The following ZNHIT1 variants were observed in gnomAD, a reference collection of about 807,000 sequenced individuals.
ZNHIT1 encodes zinc finger HIT domain-containing protein 1.
In ZNHIT1, 20 loss-of-function variants were observed where a neutral mutation model predicts 21.4. That is an observed-to-expected ratio of 0.93 (90% confidence interval 0.66 to 1.36). The LOEUF is 1.36. ZNHIT1 is among the 40% of genes most tolerant of loss of function. ZNHIT1 has a pLI of 0.00. For synonymous variants in ZNHIT1, 79 were observed against 84.0 expected, an observed-to-expected ratio of 0.94 and a Z score of 0.32; for missense variants, 170 against 213.5, an observed-to-expected ratio of 0.80 and a Z score of 1.27.
chr7:101,218,387 C>T (rs1798320218), intron 1 of ZNHIT1, 170 bp downstream of exon 1: 1 of 702,450 alleles, frequency 1.4e-6, no homozygotes, highest in Non-Finnish European at 2.3e-6. Context: ...CATCCTCCCA[C>T]CTCAGCCTCC....
In ZNHIT1 at chr7:101,223,728, C is replaced by T. The variant is rs752727634; in HGVS notation, c.329C>T (p.Ser110Leu). 4 of 1,613,442 alleles carry T rather than the reference C, an allele frequency of 2.5e-6. No homozygotes were observed. Among genetic ancestry groups the T allele is most frequent in the South Asian group, 2.2e-5 (2 of 90,972 alleles). The change falls in exon 4 of 5, where the codon TCG becomes TTG. Residue 110 changes from serine to leucine, a missense_variant. Coordinates refer to ENST00000305105, the MANE Select transcript of ZNHIT1 (RefSeq NM_006349.3). ...NYLTACAGPPSRPQRPFCAVC... is the reference protein window; with the variant it reads ...NYLTACAGPPLRPQRPFCAVC... ...CTGACGGCCTGTGCGGGACCCCCAT[C>T]GCGGCCCCAGCGCCCCTTCTGTGCT...
Position 101,222,716 on chromosome 7 carries a change from C to T in ZNHIT1, c.135C>T (p.His45=), listed in dbSNP as rs756492085. The stretch of plus-strand genomic sequence containing the variant: ...ATGACAACTTCCAGGATGACCCCCA[C>T]GCGGGACTCCCTCAGCTCGGCAAGA... ...LENDNFQDDP[H]AGLPQLGKRL... is the part of the protein sequence containing the mutation. Residue 45 remains histidine, a synonymous_variant, in exon 2 of 5, where the codon CAC becomes CAT. Transcript: ENST00000305105. 7.4e-6 allele frequency: 12 copies of T among 1,614,100 alleles called. No individual in the cohort carries two copies. Among genetic ancestry groups the T allele is most frequent in the African/African-American group, 5.3e-5 (4 of 74,946 alleles).
chr7:101,218,589 G>T (rs2072168), intron 1 of ZNHIT1: 59,315 of 250,346 alleles, frequency 0.24, 7,416 homozygotes, highest in African/African-American at 0.3. Flanking sequence ...GCTATTCCTC[G>T]TAAATCCCTT....
chr7:101,223,878 C>T (rs1562900113), intron 4 of ZNHIT1, 36 bp downstream of exon 4: 1 of 1,614,140 alleles, frequency 6.2e-7, no homozygotes, highest in African/African-American at 1.3e-5. Flanking sequence ...CCCACTCCCT[C>T]CTTCCCACAG....
chr7:101,221,529 T>C (rs1798369917), intron 1 of ZNHIT1: 1 of 152,286 alleles, frequency 6.6e-6, no homozygotes, highest in Admixed American at 6.5e-5. Flanking sequence ...CACCAGGCGC[T>C]GGCTGCATGG....
chr7:101,221,062 G>A (rs2116820714), intron 1 of ZNHIT1: 1 of 152,234 alleles, frequency 6.6e-6, no homozygotes, highest in Admixed American at 6.6e-5. Flanking sequence ...GAGGAAAGAG[G>A]TTTAAAATAA....
rs747720813 is a variant in ZNHIT1, at chr7:101,223,830, A to C, written c.431A>C (p.His144Pro). ...RYCTVRCLGT[H>P]QETRCLKWTV ...TGCACTGTGCGCTGTCTGGGGACCCACCAGGAGACCAGGTGAGCATGAGAC... is the reference window on the plus strand; with the variant it reads ...TGCACTGTGCGCTGTCTGGGGACCCCCCAGGAGACCAGGTGAGCATGAGAC... Residue 144 changes from histidine (H) to proline (P), a missense_variant, in exon 4 of 5, where the codon CAC (histidine) becomes CCC (proline). Transcript: ENST00000305105. 29 of 1,614,064 alleles carry C rather than the reference A, an allele frequency of 1.8e-5. No individual in the cohort carries two copies. The highest frequency in any genetic ancestry group is 2.2e-5 in the Non-Finnish European group (26 of 1,179,984).
At chr7:101,222,557 G>A (rs373332898) in intron 1 of ZNHIT1, 47 bp from the exon 2 acceptor site, 2 of 1,577,498 alleles carry the variant, frequency 1.3e-6, no homozygotes, top group Non-Finnish European at 1.7e-6. Flanking sequence ...CGGCCACACT[G>A]CTCTTTCTTG....
At chr7:101,218,669 TG>T (rs1798324670) in intron 1 of ZNHIT1, 1 of 171,570 alleles carries the variant, frequency 5.8e-6, no homozygotes, top group Non-Finnish European at 1.3e-5. Context: ...AGCCGGGCGC[TG>T]GGGATGAAGA....
At chr7:101,219,977 CATTA>C (rs1161993613) in intron 1 of ZNHIT1, 1 of 152,216 alleles carries the variant, frequency 6.6e-6, no homozygotes, top group Non-Finnish European at 1.5e-5. Context: ...GTGTTTGTTT[CATTA>C]ATCATTTGTG....
At chr7:101,218,289 C>G (rs1170251976) in intron 1 of ZNHIT1, 72 bp downstream of exon 1, 3 of 1,545,706 alleles carry the variant, frequency 1.9e-6, no homozygotes, top group Non-Finnish European at 2.7e-6. Context: ...CCTAGTCATT[C>G]CTCTTTTTTG....
At chr7:101,220,621 CCAA>C (rs1798354175) in intron 1 of ZNHIT1, 1 of 152,340 alleles carries the variant, frequency 6.6e-6, no homozygotes, top group African/African-American at 2.4e-5. Flanking sequence ...TAGTAAGTGT[CCAA>C]CAAGTGATAG....
At chr7:101,218,546 G>T (rs1377853867) in intron 1 of ZNHIT1, 2 of 350,022 alleles carry the variant, frequency 5.7e-6, no homozygotes, top group South Asian at 6.1e-5. Flanking sequence ...AAAGTGCTGG[G>T]ATTACAGGCG....
intron 2 of ZNHIT1, 88 bp from the exon 3 acceptor site, chr7:101,223,389 G>A: frequency 7.1e-7 from 1 of 1,417,576 alleles, no homozygotes; most frequent in Non-Finnish European, 9.9e-7. Flanking sequence ...AGAACCAGGA[G>A]GGCACATGGG....
chr7:101,219,661 C>G (rs1039208891), intron 1 of ZNHIT1: 1 of 146,382 alleles, frequency 6.8e-6, no homozygotes, highest in Non-Finnish European at 1.5e-5. Context: ...CTCCTGACCT[C>G]GTGATCCACC....
intron 1 of ZNHIT1, chr7:101,219,461 C>T (rs950651036): frequency 1.3e-5 from 2 of 148,390 alleles, no homozygotes; most frequent in East Asian, 4.0e-4. Flanking sequence ...GAGTCTTGCT[C>T]TGTCCCCCAG....
intron 1 of ZNHIT1, chr7:101,221,377 C>T (rs1211632991): frequency 6.6e-6 from 1 of 152,146 alleles, no homozygotes; most frequent in Non-Finnish European, 1.5e-5. Context: ...GCATGTGCAA[C>T]CACGCCTGGC....
chr7:101,222,479 G>A (rs1184859006), intron 1 of ZNHIT1, 125 bp from the exon 2 acceptor site: 2 of 1,160,758 alleles, frequency 1.7e-6, no homozygotes, highest in South Asian at 1.6e-5. Context: ...CAAGGGCTTG[G>A]CAATGGGGAT....
At chr7:101,221,967 C>T (rs1798377626) in intron 1 of ZNHIT1, 1 of 152,050 alleles carries the variant, frequency 6.6e-6, no homozygotes, top group Admixed American at 6.6e-5. Flanking sequence ...AGTGACACAT[C>T]ACGTGAGTTG....
Sources: gnomAD v4.1 joint callset for allele counts on GRCh38, gnomAD v4.1.1 for gene constraint, MANE v1.5 for transcripts, NCBI Gene and HGNC (gene_info 2026-07-23, HGNC 2026-07-21) for gene names.